SEMA3A: variants seen among roughly 807,000 people sequenced by gnomAD.
SEMA3A encodes semaphorin 3A, also known as semaphorin-3A.
Under a neutral mutation model 97.9 loss-of-function variants are expected in SEMA3A, and 29 were observed. The ratio of observed to expected loss-of-function variants is 0.30; its 90% confidence interval spans 0.22 to 0.40. The LOEUF is 0.40. SEMA3A is among the 10% of genes least tolerant of loss of function. The pLI is 1.00. For synonymous variants in SEMA3A, 321 were observed against 323.7 expected, an observed-to-expected ratio of 0.99 and a Z score of 0.09; for missense variants, 763 against 951.3, an observed-to-expected ratio of 0.80 and a Z score of 2.60.
intron 5 of SEMA3A, among the ~76,000 whole-genome samples, chr7:84,056,592 A>G (rs1792987835): frequency 6.6e-6 from 1 of 151,670 alleles, no homozygotes; most frequent in Admixed American, 6.6e-5. Flanking sequence ...GAAAAAAAAA[A>G]GAAAATACCC....
chr7:84,055,341 C>T (rs1283498098), intron 5 of SEMA3A, among the ~76,000 whole-genome samples: 1 of 152,182 alleles, frequency 6.6e-6, no homozygotes. Context: ...GACTGCTGTG[C>T]TAGCAATCAG....
intron 1 of SEMA3A, among the ~76,000 whole-genome samples, chr7:84,477,072 AAATAT>A (rs1562960113): frequency 7.9e-6 from 1 of 127,122 alleles, no homozygotes; most frequent in Admixed American, 9.0e-5. Flanking sequence ...TAAAAAAAAA[AAATAT>A]ATATATATAT....
intron 1 of SEMA3A, among the ~76,000 whole-genome samples, chr7:84,405,427 C>A (rs925114254): frequency 6.6e-6 from 1 of 152,200 alleles, no homozygotes; most frequent in Non-Finnish European, 1.5e-5. Flanking sequence ...GAGACTTAGA[C>A]TCCCACACAA....
At chr7:84,236,967 A>G (rs1407618329) in intron 3 of SEMA3A, among the ~76,000 whole-genome samples, 1 of 152,126 alleles carries the variant, frequency 6.6e-6, no homozygotes, top group East Asian at 1.9e-4. Flanking sequence ...ACTTAAAGCA[A>G]TATCATATAT....
intron 2 of SEMA3A, among the ~76,000 whole-genome samples, chr7:84,327,476 C>T (rs1456113818): frequency 6.6e-6 from 1 of 151,534 alleles, no homozygotes; most frequent in Non-Finnish European, 1.5e-5. Flanking sequence ...TTGATATATG[C>T]CAAGAATTAT....
At chr7:84,448,086 C>T (rs570566440) in intron 1 of SEMA3A, among the ~76,000 whole-genome samples, 2 of 152,284 alleles carry the variant, frequency 1.3e-5, no homozygotes, top group East Asian at 1.9e-4. Flanking sequence ...CACCCTTCGT[C>T]GCTCCCTGCC....
intron 6 of SEMA3A, among the ~76,000 whole-genome samples, chr7:84,044,320 G>A (rs1792262893): frequency 6.6e-6 from 1 of 151,868 alleles, no homozygotes. Flanking sequence ...CCCTGGTGAG[G>A]CATCACATTT....
chr7:84,307,995 T>G (rs1801205045), intron 2 of SEMA3A, among the ~76,000 whole-genome samples: 2 of 151,868 alleles, frequency 1.3e-5, no homozygotes, highest in Admixed American at 6.6e-5. Flanking sequence ...TTAATATATT[T>G]GAAAAAAAAG....
intron 3 of SEMA3A, among the ~76,000 whole-genome samples, chr7:84,275,760 T>C (rs1277984891): frequency 6.6e-6 from 1 of 152,008 alleles, no homozygotes; most frequent in Non-Finnish European, 1.5e-5. Flanking sequence ...AGAATTACTG[T>C]AAATGTAAAA....
rs138002949 is a variant in SEMA3A at position 83,961,490 on chromosome 7, G to A, written c.2197C>T (p.Arg733Cys). The A allele has an allele frequency of 2.8e-5, 45 of 1,613,908 alleles. No homozygotes were observed. The African/African-American group carries it at 4.4e-4, about 16-fold the overall frequency. Residue 733 changes from arginine to cysteine, a missense_variant, in exon 17 of 17, where the codon CGT becomes TGT. Arg to Cys is a radical substitution (Grantham distance 180). Coordinates refer to ENST00000265362, the MANE Select transcript of SEMA3A (RefSeq NM_006080.3). The part of the protein sequence containing the change: ...EQVWKRDRKQ[R>C]RQRPGHTPGN... ...GGGGTATGTCCTGGCCTTTGCCGAC[G>A]TTGTTTTCGGTCCCTTTTCCAAACT...
intron 1 of SEMA3A, among the ~76,000 whole-genome samples, chr7:84,404,655 T>G (rs1249186244): frequency 2.0e-5 from 3 of 152,108 alleles, no homozygotes; most frequent in African/African-American, 7.2e-5. Context: ...AAAGGTCGGG[T>G]TACCCAAAAA....
At chr7:84,238,596 C>T (rs1214017200) in intron 3 of SEMA3A, among the ~76,000 whole-genome samples, 1 of 152,020 alleles carries the variant, frequency 6.6e-6, no homozygotes, top group African/African-American at 2.4e-5. Context: ...AGATGGAAAA[C>T]CTTTCTGCAA....
At chr7:84,027,441 G>T (rs1466687436) in intron 6 of SEMA3A, among the ~76,000 whole-genome samples, 1 of 152,092 alleles carries the variant, frequency 6.6e-6, no homozygotes, top group Admixed American at 6.6e-5. Flanking sequence ...TATTTTGTTG[G>T]ATTTTCAATG....
intron 2 of SEMA3A, among the ~76,000 whole-genome samples, chr7:84,132,617 A>G (rs73378884): frequency 0.073 from 11,007 of 150,724 alleles, 722 homozygotes; most frequent in African/African-American, 0.17. Context: ...TAACTGATAA[A>G]ATTTCCTAAA....
At chr7:84,228,517 T>TA in intron 3 of SEMA3A, among the ~76,000 whole-genome samples, 1 of 152,186 alleles carries the variant, frequency 6.6e-6, no homozygotes, top group East Asian at 1.9e-4. Flanking sequence ...ACAGCAAAGG[T>TA]AAAAATTCAT....
intron 2 of SEMA3A, among the ~76,000 whole-genome samples, chr7:84,344,370 A>G (rs1802243699): frequency 6.6e-6 from 1 of 152,190 alleles, no homozygotes; most frequent in South Asian, 2.1e-4. Flanking sequence ...GTGATCTCTC[A>G]GAGAAGAGCA....
At chr7:84,114,788 C>T (rs964172202) in intron 3 of SEMA3A, among the ~76,000 whole-genome samples, 10 of 151,772 alleles carry the variant, frequency 6.6e-5, no homozygotes, top group African/African-American at 1.5e-4. Flanking sequence ...TTTCTTTTAA[C>T]ATTGTGCTAT....
At chr7:84,241,667 A>G (rs574481985) in intron 3 of SEMA3A, among the ~76,000 whole-genome samples, 5 of 152,230 alleles carry the variant, frequency 3.3e-5, no homozygotes, top group African/African-American at 1.2e-4. Context: ...TATTGTTGCC[A>G]TTGCTTTTAG....
chr7:84,406,847 A>G (rs903074434), intron 1 of SEMA3A, among the ~76,000 whole-genome samples: 9 of 152,214 alleles, frequency 5.9e-5, no homozygotes, highest in African/African-American at 2.2e-4. Context: ...GACAAAATTC[A>G]ACAATACTTC....
Sources: allele counts gnomAD v4.1 joint callset (sites outside exome capture counted in the v4.1 genomes callset), GRCh38; gene constraint gnomAD v4.1.1; transcripts MANE v1.5; gene names NCBI Gene and HGNC (gene_info 2026-07-23, HGNC 2026-07-21).